MAF: variants seen among roughly 807,000 people sequenced by gnomAD.
The protein encoded by MAF is transcription factor Maf.
A neutral mutation model predicts 22.0 loss-of-function variants in MAF; 10 were observed. That is an observed-to-expected ratio of 0.45 (90% CI 0.28 to 0.77). The LOEUF is 0.77. Ranked by LOEUF, MAF falls within the 30% of genes least tolerant of loss-of-function variation. The pLI is 0.12. For synonymous variants in MAF, 337 were observed against 255.8 expected (o/e 1.32, Z -3.03); for missense variants, 544 against 548.4 (o/e 0.99, Z 0.08).
the MAF span, among the ~76,000 whole-genome samples, chr16:79,361,421 G>C: frequency 6.6e-6 from 1 of 152,182 alleles, no homozygotes; most frequent in African/African-American, 2.4e-5. Flanking sequence ...CCTTATAGGG[G>C]CCTAAGGAGG....
chr16:79,206,479 C>G, the MAF span: 1 of 152,226 alleles, frequency 6.6e-6, no homozygotes, highest in Non-Finnish European at 1.5e-5. Flanking sequence ...CTAACTGTCC[C>G]TGGCTCATAG....
the MAF span, among the ~76,000 whole-genome samples, chr16:79,437,652 G>C: frequency 6.6e-6 from 1 of 151,992 alleles, no homozygotes; most frequent in Non-Finnish European, 1.5e-5. Context: ...CGGTCACCCA[G>C]CTTCACCGTG....
the MAF span, among the ~76,000 whole-genome samples, chr16:79,407,765 G>C: frequency 1.1e-4 from 16 of 152,036 alleles, no homozygotes; most frequent in Admixed American, 1.0e-3. Flanking sequence ...CCTGACACAA[G>C]TTGAATTTAA....
the MAF span, among the ~76,000 whole-genome samples, chr16:79,273,768 TC>T: frequency 7.9e-5 from 12 of 152,146 alleles, no homozygotes; most frequent in African/African-American, 2.9e-4. Flanking sequence ...TATTTTAACG[TC>T]AGCTGATTAG....
the MAF span, among the ~76,000 whole-genome samples, chr16:79,479,546 A>T: frequency 6.6e-6 from 1 of 152,294 alleles, no homozygotes; most frequent in Admixed American, 6.5e-5. Context: ...TTTGCAAGGG[A>T]TTGACTCCCT....
At chr16:79,272,098 A>G in the MAF span, among the ~76,000 whole-genome samples, 148,615 of 152,180 alleles carry the variant, frequency 0.98, 72,670 homozygotes, top group East Asian at 1. Context: ...AATGGGGGTA[A>G]AAGAAAACCT....
At chr16:79,399,757 T>A in the MAF span, among the ~76,000 whole-genome samples, 1 of 152,116 alleles carries the variant, frequency 6.6e-6, no homozygotes, top group Non-Finnish European at 1.5e-5. Flanking sequence ...TACCTGGCTA[T>A]CAGGTAGAAG....
the MAF span, among the ~76,000 whole-genome samples, chr16:79,298,492 C>T: frequency 2.0e-5 from 3 of 152,166 alleles, no homozygotes; most frequent in Non-Finnish European, 4.4e-5. Context: ...ACAACCAGCT[C>T]CAACTGGGGA....
At chr16:79,552,298 C>T in the MAF span, among the ~76,000 whole-genome samples, 2 of 152,028 alleles carry the variant, frequency 1.3e-5, no homozygotes, top group Admixed American at 6.6e-5. Flanking sequence ...ACCGAAGCCT[C>T]GAACTCCTGG....
At chr16:79,281,919 A>C in the MAF span, among the ~76,000 whole-genome samples, 1 of 152,156 alleles carries the variant, frequency 6.6e-6, no homozygotes, top group African/African-American at 2.4e-5. Context: ...AGCAAGGACC[A>C]CAATGAGGAT....
chr16:79,270,934 C>G, the MAF span, among the ~76,000 whole-genome samples: 1 of 150,692 alleles, frequency 6.6e-6, no homozygotes, highest in Non-Finnish European at 1.5e-5. Context: ...GAGTTTCACT[C>G]TTTTCACCCA....
At chr16:79,320,857 C>G in the MAF span, among the ~76,000 whole-genome samples, 19 of 152,152 alleles carry the variant, frequency 1.2e-4, no homozygotes, top group Non-Finnish European at 1.5e-5. Context: ...TGAATCCTCA[C>G]GAGAACCCCA....
chr16:79,434,173 A>G, the MAF span, among the ~76,000 whole-genome samples: 1 of 152,248 alleles, frequency 6.6e-6, no homozygotes, highest in Admixed American at 6.5e-5. Context: ...GACTTTCTCA[A>G]CATCACTAGC....
the MAF span, among the ~76,000 whole-genome samples, chr16:79,445,575 C>T: frequency 6.6e-6 from 1 of 152,220 alleles, no homozygotes; most frequent in Non-Finnish European, 1.5e-5. Flanking sequence ...TGCCCCTTGT[C>T]CACTGCACTC....
At chr16:79,464,772 C>A in the MAF span, among the ~76,000 whole-genome samples, 5 of 152,158 alleles carry the variant, frequency 3.3e-5, no homozygotes, top group African/African-American at 1.2e-4. Flanking sequence ...AAATTAGACA[C>A]GTCCCTGACC....
chr16:79,215,274 G>A, the MAF span, among the ~76,000 whole-genome samples: 1 of 152,094 alleles, frequency 6.6e-6, no homozygotes, highest in Admixed American at 6.5e-5. Context: ...CAGAGATGGG[G>A]TCTTGCTATG....
At chr16:79,431,205 C>G in the MAF span, among the ~76,000 whole-genome samples, 6 of 152,254 alleles carry the variant, frequency 3.9e-5, no homozygotes, top group East Asian at 7.7e-4. Flanking sequence ...ACAACCTACT[C>G]AACCATACAC....
the MAF span, among the ~76,000 whole-genome samples, chr16:79,480,848 C>T: frequency 6.6e-6 from 1 of 152,194 alleles, no homozygotes; most frequent in African/African-American, 2.4e-5. Context: ...CATTTCCCAA[C>T]ATCTGTTTGG....
chr16:79,293,920 A>C, the MAF span, among the ~76,000 whole-genome samples: 2 of 152,136 alleles, frequency 1.3e-5, no homozygotes, highest in South Asian at 4.1e-4. Flanking sequence ...GTGATCAGAC[A>C]ATTTCAGTCC....
Sources: gnomAD v4.1 joint callset for allele counts (sites outside exome capture counted in the v4.1 genomes callset) on GRCh38, gnomAD v4.1.1 for gene constraint, MANE v1.5 for transcripts, NCBI Gene and HGNC (gene_info 2026-07-23, HGNC 2026-07-21) for gene names.